DMD: variants seen among roughly 807,000 people sequenced by gnomAD.
The protein encoded by DMD is dystrophin, also known as mutant dystrophin.
DMD carries 63 observed loss-of-function variants against 330.1 expected under a neutral mutation model. The ratio of observed to expected loss-of-function variants is 0.19; its 90% CI spans 0.16 to 0.24. The LOEUF (loss-of-function observed/expected upper bound fraction) is 0.24. Ranked by LOEUF, DMD falls within the 10% of genes least tolerant of loss-of-function variation. DMD has a pLI of 1.00. For synonymous variants in DMD, 1,223 were observed against 959.8 expected (o/e 1.27, Z -5.07); for missense variants, 3,344 against 2,684.1 (o/e 1.25, Z -5.43).
Position 31,337,218 on chromosome X carries a change from C to T in DMD, c.9163+11338G>A, listed in dbSNP as rs145541178. Among the ~76,000 whole-genome samples, 659 of 110,765 alleles carry T rather than the reference C, an allele frequency of 5.9e-3. 5 individuals carry two copies. Among genetic ancestry groups the T allele is most frequent in the African/African-American group, 0.021 (639 of 30,437 alleles). ...GATTATAGGTGTGAGCCACCGCGCC[C>T]GGCCCATGTTATTCTTCATGCCTCT... On this transcript the variant is annotated intron_variant, in intron 61 of 78. Coordinates refer to ENST00000357033, the MANE Select transcript of DMD (RefSeq NM_004006.3).
At chrX:32,003,958 TAATGAG>T (rs1445901980) in intron 44 of DMD, among the ~76,000 whole-genome samples, 1 of 111,443 alleles carries the variant, frequency 9.0e-6, no homozygotes, top group African/African-American at 3.2e-5. Context: ...GGTAAGAAAA[TAATGAG>T]AATGATTTAA....
At chrX:32,917,691 T>C (rs1201390439) in intron 2 of DMD, among the ~76,000 whole-genome samples, 2 of 111,927 alleles carry the variant, frequency 1.8e-5, no homozygotes, top group African/African-American at 3.3e-5. Flanking sequence ...TGGTTGGTGA[T>C]CTTTGTTGTA....
intron 1 of DMD, among the ~76,000 whole-genome samples, chrX:33,131,085 T>A (rs2095496690): frequency 9.0e-6 from 1 of 111,190 alleles, no homozygotes; most frequent in South Asian, 3.8e-4. Context: ...CAAGAGTTAA[T>A]GGGCATACAA....
At chrX:32,200,475 T>C (rs1334608728) in intron 44 of DMD, among the ~76,000 whole-genome samples, 1 of 111,280 alleles carries the variant, frequency 9.0e-6, no homozygotes, top group Non-Finnish European at 1.9e-5. Flanking sequence ...TAACGTGTTA[T>C]ATATGTAACA....
intron 7 of DMD, among the ~76,000 whole-genome samples, chrX:32,759,549 T>A (rs185669150): frequency 2.7e-5 from 3 of 111,332 alleles, no homozygotes; most frequent in East Asian, 5.7e-4. Context: ...TGTTTGCTTG[T>A]TCTCTTAATG....
chrX:32,266,488 G>A (rs1018175187), intron 43 of DMD, among the ~76,000 whole-genome samples: 3 of 111,609 alleles, frequency 2.7e-5, no homozygotes, highest in Non-Finnish European at 5.6e-5. Flanking sequence ...ACTTTTGAAC[G>A]CCATTGTCAT....
At chrX:31,474,925 G>T (rs1195205482) in intron 59 of DMD, among the ~76,000 whole-genome samples, 3 of 109,611 alleles carry the variant, frequency 2.7e-5, no homozygotes, top group Non-Finnish European at 5.7e-5. Context: ...TACCCCCAAA[G>T]CTTCAGAGTT....
intron 27 of DMD, among the ~76,000 whole-genome samples, chrX:32,442,937 G>GT (rs1293398024): frequency 9.0e-6 from 1 of 110,645 alleles, no homozygotes; most frequent in Non-Finnish European, 1.9e-5. Context: ...AAGCACAATT[G>GT]TTTTTTCACT....
In DMD at chrX:32,573,837, C is replaced by T. The variant is rs1308035408; in HGVS notation, c.1612G>A (p.Asp538Asn). 10 of 1,204,227 alleles carry T rather than the reference C, an allele frequency of 8.3e-6. No individual in the cohort carries two copies. In the South Asian group the frequency reaches 1.6e-4, roughly 19 times the overall value. Reference sequence around the variant, plus strand: ...CATCTACAGATGTTTGCCCATCGATCTCCCAATACCTGGAGAAGAGACAAT... The same window carrying T: ...CATCTACAGATGTTTGCCCATCGATTTCCCAATACCTGGAGAAGAGACAAT... ...ALEEQLKVLG[D>N]RWANICRWTE... is the part of the protein sequence containing the mutation. The change falls in exon 14 of 79, where the codon GAT becomes AAT. Residue 538 changes from aspartate to asparagine, a missense_variant. Asp to Asn is a conservative substitution (Grantham distance 23). Coordinates refer to ENST00000357033, the MANE Select transcript of DMD (RefSeq NM_004006.3).
intron 21 of DMD, among the ~76,000 whole-genome samples, chrX:32,479,689 A>G (rs1040536552): frequency 6.4e-5 from 7 of 109,528 alleles, no homozygotes; most frequent in Non-Finnish European, 1.1e-4. Context: ...ATTTATCACT[A>G]TATATATATG....
chrX:31,210,390 T>C (rs2044529789), intron 64 of DMD, among the ~76,000 whole-genome samples: 2 of 112,184 alleles, frequency 1.8e-5, no homozygotes, highest in Non-Finnish European at 3.8e-5. Context: ...CTAACAACTT[T>C]ATAAGGCTGA....
At chrX:31,736,958 T>C (rs1402376348) in intron 51 of DMD, among the ~76,000 whole-genome samples, 1 of 111,907 alleles carries the variant, frequency 8.9e-6, no homozygotes, top group Non-Finnish European at 1.9e-5. Context: ...TGAGAATTAA[T>C]AGAGTTAATA....
At chrX:32,893,589 A>G (rs757293865) in intron 2 of DMD, among the ~76,000 whole-genome samples, 2 of 112,246 alleles carry the variant, frequency 1.8e-5, no homozygotes, top group East Asian at 5.6e-4. Flanking sequence ...TTGCTGTGAT[A>G]AACAGTGGGG....
chrX:32,024,486 CAAAAAAAAAA>C lies in DMD; in HGVS notation c.6439-55982_6439-55973del, dbSNP rs71872956. On this transcript the variant is annotated intron_variant, in intron 44 of 78. Coordinates refer to ENST00000357033, the MANE Select transcript of DMD (RefSeq NM_004006.3). Reference sequence around the variant, plus strand: ...TGGGCGAAAGAGCGAAACTCCCTCTCAAAAAAAAAAAAAAAAAAAAAAGTATGAAACAAAC... The same window carrying C: ...TGGGCGAAAGAGCGAAACTCCCTCTCAAAAAAAAAAAAGTATGAAACAAAC... 8.1e-5 allele frequency among the ~76,000 whole-genome samples: 5 copies of C among 61,641 alleles called. No individual in the cohort carries two copies. In the East Asian group the frequency reaches 2.8e-3, roughly 34 times the overall value. 53.5% of individuals were successfully genotyped at this position (61,641 alleles called of 115,157 possible).
At chrX:32,790,394 C>T (rs974509680) in intron 7 of DMD, among the ~76,000 whole-genome samples, 2 of 111,367 alleles carry the variant, frequency 1.8e-5, no homozygotes, top group East Asian at 2.8e-4. Context: ...CCCTTCAACC[C>T]GTGTGGGCCC....
intron 1 of DMD, among the ~76,000 whole-genome samples, chrX:33,311,314 TG>T (rs1289457085): frequency 9.1e-6 from 1 of 110,145 alleles, no homozygotes; most frequent in Non-Finnish European, 1.9e-5. Flanking sequence ...TACACACATA[TG>T]TATGCATACA....
intron 43 of DMD, among the ~76,000 whole-genome samples, chrX:32,260,674 G>A (rs2097318510): frequency 1.8e-5 from 2 of 111,642 alleles, no homozygotes; most frequent in Admixed American, 9.5e-5. Flanking sequence ...CTGACTCTCA[G>A]TGCTGCCCTC....
At chrX:33,274,195 G>A in intron 1 of DMD, among the ~76,000 whole-genome samples, 1 of 112,029 alleles carries the variant, frequency 8.9e-6, no homozygotes, top group East Asian at 2.8e-4. Context: ...CAGGTAGTTT[G>A]ATGGTAAATC....
rs1014795303 is a variant in DMD at position 32,501,760 on chromosome X, A to G, written c.2375T>C (p.Val792Ala). 8.3e-7 allele frequency: 1 copy of G among 1,201,829 alleles called. No homozygotes were observed. Among genetic ancestry groups the G allele is most frequent in the African/African-American group, 1.7e-5 (1 of 57,155 alleles). The change falls in exon 19 of 79, where the codon GTG becomes GCG. Residue 792 changes from valine (V) to alanine (A), a missense_variant. Val to Ala is a moderately conservative substitution (Grantham distance 64, BLOSUM62 0). Transcript: ENST00000357033. The part of the protein sequence containing the change: ...RSAQALVEQM[V>A]NEGVNADSIK... ...AAATCAACTCGTGTAATTACCATTC[A>G]CCATCTGTTCCACCAGGGCCTGAGC...
Sources: allele counts gnomAD v4.1 joint callset (sites outside exome capture counted in the v4.1 genomes callset), GRCh38; gene constraint gnomAD v4.1.1; transcripts MANE v1.5; gene names NCBI Gene and HGNC (gene_info 2026-07-23, HGNC 2026-07-21).